The following HPSE2 variants were observed in gnomAD, a reference collection of about 807,000 sequenced individuals.
HPSE2 encodes inactive heparanase-2.
In HPSE2, 38 loss-of-function variants were observed where a neutral mutation model predicts 60.5. The ratio of observed to expected loss-of-function variants is 0.63; its 90% CI spans 0.48 to 0.82. The LOEUF (loss-of-function observed/expected upper bound fraction) is 0.82. Ranked by LOEUF, HPSE2 falls within the 40% of genes least tolerant of loss-of-function variation. The pLI, the probability that HPSE2 is intolerant of heterozygous loss-of-function variation, is 0.00. For missense variants in HPSE2, 713 were observed against 740.4 expected (o/e 0.96, Z 0.43); for synonymous variants, 295 against 293.2 (o/e 1.01, Z -0.06).
Position 98,663,079 on chromosome 10 carries a change from G to T in HPSE2, c.1005-21139C>A, listed in dbSNP as rs771235252. On this transcript the variant is annotated intron_variant, in intron 6 of 11. Transcript: ENST00000370552. ...TCACAAAGGATGAACACACATAAGG[G>T]CAGGGGTATGAGGGTTAGCCATTCC... Among the ~76,000 whole-genome samples, 179 of 152,268 alleles carry T rather than the reference G, an allele frequency of 1.2e-3. 1 individual carries two copies. The highest frequency in any genetic ancestry group is 1.7e-3 in the Non-Finnish European group (118 of 68,024).
intron 5 of HPSE2, among the ~76,000 whole-genome samples, chr10:98,711,411 T>C (rs1283776438): frequency 6.6e-6 from 1 of 152,164 alleles, no homozygotes; most frequent in East Asian, 1.9e-4. Context: ...AACTGTATTT[T>C]ATTTTGTATG....
chr10:98,665,240 G>GA (rs200346849), intron 6 of HPSE2, among the ~76,000 whole-genome samples: 5 of 151,624 alleles, frequency 3.3e-5, no homozygotes, highest in African/African-American at 1.2e-4. Context: ...AAAACTAAAG[G>GA]AAAAAAAATT....
chr10:98,946,579 C>T (rs930148471), intron 3 of HPSE2, among the ~76,000 whole-genome samples: 5 of 151,570 alleles, frequency 3.3e-5, no homozygotes, highest in Admixed American at 6.6e-5. Flanking sequence ...TATATGGGAA[C>T]TTACTATCTT....
chr10:99,184,775 A>G (rs1847911343), intron 2 of HPSE2, among the ~76,000 whole-genome samples: 1 of 106,750 alleles, frequency 9.4e-6, no homozygotes, highest in Non-Finnish European at 2.0e-5. Flanking sequence ...TGGCAACAGA[A>G]CTATCCAAAA....
At chr10:98,651,593 C>T (rs953630081) in intron 6 of HPSE2, among the ~76,000 whole-genome samples, 2 of 151,998 alleles carry the variant, frequency 1.3e-5, no homozygotes, top group Non-Finnish European at 2.9e-5. Context: ...CAATCTCCTA[C>T]AAATTCACTT....
At chr10:98,846,434 T>A (rs1350570063) in intron 3 of HPSE2, among the ~76,000 whole-genome samples, 1 of 152,248 alleles carries the variant, frequency 6.6e-6, no homozygotes, top group African/African-American at 2.4e-5. Flanking sequence ...AGCACAAGGC[T>A]GTAGTGAGTA....
intron 3 of HPSE2, among the ~76,000 whole-genome samples, chr10:98,992,479 G>T (rs1247052829): frequency 6.6e-6 from 1 of 152,080 alleles, no homozygotes; most frequent in South Asian, 2.1e-4. Flanking sequence ...GGCCATGAGG[G>T]TTTGATTTCC....
chr10:99,138,535 T>C (rs1157114492), intron 3 of HPSE2, among the ~76,000 whole-genome samples: 6 of 152,292 alleles, frequency 3.9e-5, no homozygotes, highest in Non-Finnish European at 8.8e-5. Context: ...ATGTGGCACA[T>C]ATACACCATG....
chr10:99,258,614 C>T, the HPSE2 span, among the ~76,000 whole-genome samples: 1 of 152,112 alleles, frequency 6.6e-6, no homozygotes. Flanking sequence ...GCCAACGTTG[C>T]CTGATTTCAA....
Position 98,482,802 on chromosome 10 carries a change from A to G in HPSE2, c.1467-20T>C. 3 of 1,613,868 alleles carry G rather than the reference A, an allele frequency of 1.9e-6. No homozygotes were observed. The highest frequency in any genetic ancestry group is 4.5e-5 in the East Asian group (2 of 44,868). On this transcript the variant is annotated intron_variant, in intron 10 of 11. Coordinates refer to ENST00000370552, the MANE Select transcript of HPSE2 (RefSeq NM_021828.5). ...TTGTGGCTGAGATCCAGAGAAAGAG[A>G]GAAGTGAAAGATGGAAACAAAGTGG...
At chr10:98,518,598 CT>C (rs1403931238) in intron 9 of HPSE2, among the ~76,000 whole-genome samples, 1 of 151,646 alleles carries the variant, frequency 6.6e-6, no homozygotes, top group African/African-American at 2.4e-5. Context: ...TCCCAGCTAA[CT>C]AGGAGGCTGA....
chr10:98,520,293 G>A (rs554988623), intron 9 of HPSE2, among the ~76,000 whole-genome samples: 1 of 152,268 alleles, frequency 6.6e-6, no homozygotes, highest in South Asian at 2.1e-4. Context: ...GGTCTTTTCT[G>A]AGGAAAAGAA....
chr10:98,462,721 C>G (rs1940350435), intron 11 of HPSE2, among the ~76,000 whole-genome samples: 1 of 152,074 alleles, frequency 6.6e-6, no homozygotes, highest in Non-Finnish European at 1.5e-5. Flanking sequence ...TGCTAGGGTT[C>G]CTAGTGTTTT....
chr10:98,906,453 A>G (rs1953818920), intron 3 of HPSE2, among the ~76,000 whole-genome samples: 1 of 152,312 alleles, frequency 6.6e-6, no homozygotes, highest in African/African-American at 2.4e-5. Flanking sequence ...GCCACAGAAA[A>G]TCTGGAGAGG....
intron 3 of HPSE2, among the ~76,000 whole-genome samples, chr10:99,111,330 G>C (rs1436587617): frequency 6.6e-6 from 1 of 152,058 alleles, no homozygotes; most frequent in Non-Finnish European, 1.5e-5. Flanking sequence ...TTTTATAAGT[G>C]AATTCATAAT....
chr10:98,489,221 G>A (rs1225717300), intron 10 of HPSE2, among the ~76,000 whole-genome samples: 1 of 152,196 alleles, frequency 6.6e-6, no homozygotes, highest in African/African-American at 2.4e-5. Flanking sequence ...AGTGATGTAA[G>A]AAAGCCATAT....
intron 9 of HPSE2, among the ~76,000 whole-genome samples, chr10:98,494,894 C>T (rs1014942111): frequency 2.6e-5 from 4 of 152,222 alleles, no homozygotes; most frequent in African/African-American, 9.6e-5. Context: ...AGTTTAAAAC[C>T]TATTGTCTTA....
intron 3 of HPSE2, among the ~76,000 whole-genome samples, chr10:98,853,676 GA>G (rs1952237742): frequency 6.6e-6 from 1 of 152,104 alleles, no homozygotes; most frequent in African/African-American, 2.4e-5. Flanking sequence ...GCATATATTT[GA>G]AACATACATA....
chr10:98,526,077 T>A (rs1372255817), intron 9 of HPSE2, among the ~76,000 whole-genome samples: 4 of 152,162 alleles, frequency 2.6e-5, no homozygotes, highest in Admixed American at 6.6e-5. Flanking sequence ...ACACAAAAAT[T>A]CCACAGCCTC....
Sources: gnomAD v4.1 joint callset for allele counts (sites outside exome capture counted in the v4.1 genomes callset) on GRCh38, gnomAD v4.1.1 for gene constraint, MANE v1.5 for transcripts, NCBI Gene and HGNC (gene_info 2026-07-23, HGNC 2026-07-21) for gene names.